Variants in DNAH12 observed in about 807,000 individuals in gnomAD.
DNAH12 encodes the protein dynein axonemal heavy chain 12.
DNAH12 carries 285 observed loss-of-function variants against 371.5 expected under a neutral mutation model. That is an observed-to-expected ratio of 0.77 (90% confidence interval 0.70 to 0.85). The LOEUF is 0.85. Among genes scored for constraint, DNAH12 ranks in the 40% least tolerant of loss-of-function variants. The pLI, the probability that DNAH12 is intolerant of heterozygous loss-of-function variation, is 0.00. For missense variants in DNAH12, 3,611 were observed against 3,689.4 expected, an observed-to-expected ratio of 0.98 and a Z score of 0.55; for synonymous variants, 1,200 against 1,213.0, an observed-to-expected ratio of 0.99 and a Z score of 0.22.
rs1559534173 is a variant in DNAH12, at chr3:57,301,716, A to C, written c.11394+19T>G. The C allele has an allele frequency of 7.3e-7, 1 of 1,378,724 alleles. No individual in the cohort carries two copies. Among genetic ancestry groups the C allele is most frequent in the South Asian group, 1.3e-5 (1 of 76,080 alleles). 85.4% of individuals were successfully genotyped at this position (1,378,724 alleles called of 1,614,324 possible). On this transcript the variant is annotated intron_variant, in intron 70 of 73. Transcript: ENST00000495027. ...CACACACACACACACACACACACAC[A>C]CACACACACACATTTTACCTGTAAA...
chr3:57,437,918 C>T (rs1022170608), intron 29 of DNAH12, among the ~76,000 whole-genome samples: 4 of 152,134 alleles, frequency 2.6e-5, no homozygotes, highest in Non-Finnish European at 5.9e-5. Context: ...AATGCTGCAA[C>T]AAAACTCTGA....
chr3:57,492,756 C>T (rs531669744), intron 11 of DNAH12, among the ~76,000 whole-genome samples: 5 of 152,214 alleles, frequency 3.3e-5, no homozygotes, highest in African/African-American at 7.2e-5. Flanking sequence ...CACCTGTAAT[C>T]CCAGCATTTT....
intron 8 of DNAH12, among the ~76,000 whole-genome samples, chr3:57,504,691 G>T (rs997112735): frequency 5.3e-5 from 8 of 152,168 alleles, no homozygotes; most frequent in African/African-American, 1.9e-4. Flanking sequence ...TCACATCAGG[G>T]TAAATGGGAT....
intron 13 of DNAH12, among the ~76,000 whole-genome samples, chr3:57,480,334 A>C (rs1357552504): frequency 2.6e-5 from 4 of 152,154 alleles, no homozygotes; most frequent in African/African-American, 9.7e-5. Flanking sequence ...AAATGGATAA[A>C]TTCCTCGACA....
rs190892804 is a variant in DNAH12, at chr3:57,294,340, C to T, written c.11693-369G>A. On this transcript the variant is annotated intron_variant, in intron 73 of 73. Transcript: ENST00000495027. ...TACAGGTGCCTGCCACCATGCCTTG[C>T]TAATTTTTGTATTTTTAGTAGAGAC... Among the ~76,000 whole-genome samples the T allele has an allele frequency of 3.9e-5, 6 of 152,142 alleles. No individual in the cohort carries two copies. In the East Asian group the frequency reaches 1.2e-3, roughly 29 times the overall value.
intron 65 of DNAH12, among the ~76,000 whole-genome samples, chr3:57,316,329 T>C (rs2061685750): frequency 6.6e-6 from 1 of 152,146 alleles, no homozygotes; most frequent in South Asian, 2.1e-4. Context: ...CTTGACCCAA[T>C]ATTCCTTCCC....
At chr3:57,418,488 C>T (rs1166313078) in intron 37 of DNAH12, among the ~76,000 whole-genome samples, 1 of 149,576 alleles carries the variant, frequency 6.7e-6, no homozygotes, top group Non-Finnish European at 1.5e-5. Context: ...TGCAGTGAGC[C>T]GTGATCGCAC....
At chr3:57,302,567 A>ATGTATTTTTTTTTTTT (rs2061380979) in intron 69 of DNAH12, among the ~76,000 whole-genome samples, 1 of 27,480 alleles carries the variant, frequency 3.6e-5, no homozygotes, top group Non-Finnish European at 6.3e-5. Context: ...ATATATATGT[A>ATGTATTTTTTTTTTTT]TTTTTTTTTT....
Position 57,302,559 on chromosome 3 carries a change from A to ATTTTTT in DNAH12, c.11190-621_11190-620insAAAAAA, listed in dbSNP as rs1436244232. Among the ~76,000 whole-genome samples the ATTTTTT allele has an allele frequency of 3.1e-4, 19 of 61,372 alleles. 1 individual carries two copies. Among genetic ancestry groups the ATTTTTT allele is most frequent in the South Asian group, 6.9e-4 (1 of 1,442 alleles). The allele number at this position is 61,372 out of a possible 152,430, so 40.3% of individuals were successfully genotyped here. On this transcript the variant is annotated intron_variant, in intron 69 of 73. Coordinates refer to ENST00000495027, the MANE Select transcript of DNAH12 (RefSeq NM_001366028.2). ...TATATATATATATATATATATATAT[A>ATTTTTT]TATATGTATTTTTTTTTTTTTTTTT...
chr3:57,501,354 C>T lies in DNAH12; in HGVS notation c.1302G>A (p.Gln434=). Residue 434 remains glutamine (Q), a synonymous_variant, in exon 11 of 74, where the codon CAG becomes CAA. Transcript: ENST00000495027. The part of the protein sequence containing the change: ...GTAVENIETF[Q]TEDHTFDEYT... Reference sequence around the variant, plus strand: ...ATTCATCAAAAGTATGATCTTCTGTCTGAAAAGTCTCTATATTCTCAACTG... The same window carrying T: ...ATTCATCAAAAGTATGATCTTCTGTTTGAAAAGTCTCTATATTCTCAACTG... 6.3e-7 allele frequency: 1 copy of T among 1,596,982 alleles called. No homozygotes were observed. The highest frequency in any genetic ancestry group is 8.5e-7 in the Non-Finnish European group (1 of 1,175,386).
Position 57,510,952 on chromosome 3 carries a change from C to T in DNAH12, c.307G>A (p.Val103Ile). Residue 103 changes from valine to isoleucine, a missense_variant, in exon 5 of 74, where the codon GTA becomes ATA. Physicochemically the swap from Val to Ile is conservative, Grantham distance 29. Around this residue, in one of 3 missense-constraint regions of DNAH12, gnomAD observed 1,314 missense variants for 1,398.7 expected, o/e 0.94. Transcript: ENST00000495027. ...ATAGGTACTAAAGGACTACTTTCTA[C>T]ACATTGCTTCATATAAATATAGTTG... Reference protein sequence around the residue: ...GFNYIYMKQCVESSPLVPIQQ... With the variant: ...GFNYIYMKQCIESSPLVPIQQ... 6.2e-7 allele frequency: 1 copy of T among 1,603,838 alleles called. No homozygotes were observed. Among genetic ancestry groups the T allele is most frequent in the African/African-American group, 1.3e-5 (1 of 74,234 alleles).
chr3:57,308,560 G>A (rs2061518803), intron 69 of DNAH12, among the ~76,000 whole-genome samples: 1 of 152,000 alleles, frequency 6.6e-6, no homozygotes, highest in Non-Finnish European at 1.5e-5. Flanking sequence ...CAAAAAACTT[G>A]TCATCCCTGC....
rs148642388 is a variant in DNAH12, at chr3:57,336,240, A to C, written c.9675-1300T>G. 2.6e-5 allele frequency among the ~76,000 whole-genome samples: 4 copies of C among 152,348 alleles called. No individual in the cohort carries two copies. The East Asian group carries it at 5.8e-4, about 22-fold the overall frequency. On this transcript the variant is annotated intron_variant, in intron 60 of 73. Coordinates refer to ENST00000495027, the MANE Select transcript of DNAH12 (RefSeq NM_001366028.2). ...TTTAAAGGAATACAAAATGTCCAGC[A>C]TTTACCAATATAAAATTCACAGCAT...
At chr3:57,474,821 G>C (rs1189430543) in intron 13 of DNAH12, among the ~76,000 whole-genome samples, 1 of 151,876 alleles carries the variant, frequency 6.6e-6, no homozygotes, top group Non-Finnish European at 1.5e-5. Flanking sequence ...GCTGGGTGTG[G>C]TGGTGCTAGC....
At chr3:57,353,705 A>C (rs1277909287) in intron 59 of DNAH12, among the ~76,000 whole-genome samples, 2 of 152,210 alleles carry the variant, frequency 1.3e-5, no homozygotes, top group Non-Finnish European at 1.5e-5. Context: ...AACCCCATTA[A>C]AAAGTAGGCA....
At position 57,504,017 on chromosome 3, in the gene DNAH12, T is replaced by C; in HGVS notation, c.1085A>G (p.Gln362Arg). The C allele has an allele frequency of 1.2e-6, 2 of 1,611,544 alleles. No homozygotes were observed. The highest frequency in any genetic ancestry group is 2.2e-5 in the South Asian group (2 of 90,926). Reference protein sequence around the residue: ...SLVERIAEALQNVQTIPSWLS... With the variant: ...SLVERIAEALRNVQTIPSWLS... ...TCCCGATGGGTAAAGATGTAATACC[T>C]GCAGAGCTTCGGCTATTCGTTCCAC... The change falls in exon 9 of 74, where the codon CAG becomes CGG. Residue 362 changes from glutamine to arginine, a missense_variant and splice_region_variant. Gln to Arg is a conservative substitution (Grantham distance 43, BLOSUM62 1). Transcript: ENST00000495027.
chr3:57,374,403 C>T (rs1480708866), intron 55 of DNAH12, among the ~76,000 whole-genome samples: 1 of 152,128 alleles, frequency 6.6e-6, no homozygotes, highest in Non-Finnish European at 1.5e-5. Context: ...AGTGTCACTA[C>T]ATAACCATTA....
chr3:57,345,395 A>C (rs2062515096), intron 60 of DNAH12, among the ~76,000 whole-genome samples: 1 of 152,196 alleles, frequency 6.6e-6, no homozygotes, highest in Admixed American at 6.5e-5. Flanking sequence ...ATGTATACAA[A>C]GAATTATACA....
intron 60 of DNAH12, among the ~76,000 whole-genome samples, chr3:57,341,109 G>A (rs1404779847): frequency 6.6e-6 from 1 of 151,052 alleles, no homozygotes; most frequent in African/African-American, 2.4e-5. Context: ...CAATAAATTA[G>A]GCATAGAAGG....
Sources: gnomAD v4.1 joint callset for allele counts (sites outside exome capture counted in the v4.1 genomes callset) on GRCh38, gnomAD v4.1.1 for gene constraint, gnomAD v4.1.1 regional missense constraint, MANE v1.5 for transcripts, NCBI Gene and HGNC (gene_info 2026-07-23, HGNC 2026-07-21) for gene names.